The following MMS22L variants were observed in gnomAD, a reference collection of about 807,000 sequenced individuals.
MMS22L encodes protein MMS22-like.
MMS22L carries 74 observed loss-of-function variants against 159.1 expected under a neutral mutation model. The observed-to-expected ratio is 0.47, with a 90% CI of 0.39 to 0.56. The LOEUF is 0.56. Ranked by LOEUF, MMS22L falls within the 20% of genes least tolerant of loss-of-function variation. The probability of loss-of-function intolerance (pLI) is 0.00; values close to 1 mark genes in which losing one functional copy is unlikely to be tolerated. For synonymous variants in MMS22L, 517 were observed against 506.9 expected (o/e 1.02, Z -0.27); for missense variants, 1,351 against 1,422.1 (o/e 0.95, Z 0.80).
chr6:97,172,680 T>C (rs1803666835), intron 19 of MMS22L, among the ~76,000 whole-genome samples: 1 of 152,144 alleles, frequency 6.6e-6, no homozygotes, highest in South Asian at 2.1e-4. Flanking sequence ...GAGCAGAGCA[T>C]AGAAATAGAT....
At chr6:97,234,805 A>C (rs563339886) in intron 11 of MMS22L, among the ~76,000 whole-genome samples, 6 of 152,336 alleles carry the variant, frequency 3.9e-5, no homozygotes, top group African/African-American at 1.4e-4. Flanking sequence ...CTATGAATGG[A>C]AAAGCCTTTT....
At chr6:97,228,635 T>C (rs780523183) in intron 14 of MMS22L, among the ~76,000 whole-genome samples, 3 of 152,232 alleles carry the variant, frequency 2.0e-5, no homozygotes, top group Non-Finnish European at 4.4e-5. Context: ...TCATTATGCA[T>C]ATGCAAATAT....
At chr6:97,167,358 T>A (rs1015422162) in intron 20 of MMS22L, among the ~76,000 whole-genome samples, 2 of 152,134 alleles carry the variant, frequency 1.3e-5, no homozygotes, top group Non-Finnish European at 2.9e-5. Flanking sequence ...CCAAATGTTT[T>A]TGAAATCTGC....
intron 9 of MMS22L, among the ~76,000 whole-genome samples, chr6:97,255,451 T>G (rs749125516): frequency 2.0e-5 from 3 of 152,114 alleles, no homozygotes; most frequent in Admixed American, 6.5e-5. Context: ...TTTTGCTCAT[T>G]TTATCCTTTT....
chr6:97,214,685 G>T (rs73760108), intron 14 of MMS22L, among the ~76,000 whole-genome samples: 427 of 133,636 alleles, frequency 3.2e-3, no homozygotes, highest in South Asian at 4.7e-3. Context: ...TATTTTTTTT[G>T]TTTTTTTTTT....
intron 10 of MMS22L, among the ~76,000 whole-genome samples, chr6:97,251,812 G>A (rs987315063): frequency 6.6e-5 from 10 of 152,136 alleles, no homozygotes; most frequent in Admixed American, 3.3e-4. Flanking sequence ...GGCTAGGTAC[G>A]GTGGCTCACG....
At chr6:97,265,606 C>G (rs913719312) in intron 8 of MMS22L, 1 of 152,016 alleles carries the variant, frequency 6.6e-6, no homozygotes, top group African/African-American at 2.4e-5. Context: ...GCAAACCATA[C>G]ATCTGATAAG....
rs1313842289 is a variant in MMS22L, at chr6:97,282,514, G to C, written c.-37C>G. On this transcript the variant is annotated 5_prime_UTR_variant, in exon 2 of 25. Transcript: ENST00000683635. ...TGTTCTGAAACACTTGGGGTTCGTC[G>C]TATCATTAAGGGCTCCAAAGAGAAG... 7.6e-7 allele frequency: 1 copy of C among 1,324,058 alleles called. No individual in the cohort carries two copies. The highest frequency in any genetic ancestry group is 1.0e-6 in the Non-Finnish European group (1 of 988,930). 82.0% of individuals were successfully genotyped at this position (1,324,058 alleles called of 1,614,324 possible). A position where few individuals can be genotyped will look rare whatever the true frequency, so the allele number is the denominator to read the frequency against.
intron 9 of MMS22L, chr6:97,260,881 A>G (rs965832960): frequency 3.3e-5 from 5 of 151,738 alleles, no homozygotes; most frequent in African/African-American, 1.2e-4. Context: ...GGGAGAGGGT[A>G]TGAGTCCTTT....
chr6:97,246,166 GAAAAATGATAAGGTATGA>G (rs1450712873), intron 11 of MMS22L: 1 of 453,686 alleles, frequency 2.2e-6, no homozygotes, highest in African/African-American at 2.0e-5. Context: ...TCTGCAGAAA[GAAAAATGATAAGGTATGA>G]AACGAATGGT....
chr6:97,242,686 A>G (rs1377342979), intron 11 of MMS22L, among the ~76,000 whole-genome samples: 1 of 151,992 alleles, frequency 6.6e-6, no homozygotes, highest in Non-Finnish European at 1.5e-5. Context: ...AGGCCCTGTG[A>G]GATTTATGCT....
intron 14 of MMS22L, among the ~76,000 whole-genome samples, chr6:97,213,097 T>G (rs1369115853): frequency 6.6e-6 from 1 of 152,132 alleles, no homozygotes; most frequent in Non-Finnish European, 1.5e-5. Context: ...GTCTTTGATA[T>G]TTTTTTCTGT....
At chr6:97,154,990 A>G (rs1801683299) in intron 22 of MMS22L, among the ~76,000 whole-genome samples, 1 of 152,172 alleles carries the variant, frequency 6.6e-6, no homozygotes, top group Non-Finnish European at 1.5e-5. Context: ...CTATTAGTAT[A>G]GTCACTTAAG....
At chr6:97,232,747 G>A (rs1214284916) in intron 12 of MMS22L, among the ~76,000 whole-genome samples, 1 of 151,864 alleles carries the variant, frequency 6.6e-6, no homozygotes, top group African/African-American at 2.4e-5. Context: ...TTCAGAGAAG[G>A]GCATTTTTCT....
chr6:97,151,252 T>A (rs746185849), intron 23 of MMS22L, among the ~76,000 whole-genome samples: 5 of 152,204 alleles, frequency 3.3e-5, no homozygotes, highest in Non-Finnish European at 5.9e-5. Flanking sequence ...AAATACTGCA[T>A]TTTTACTGTA....
At chr6:97,233,777 T>C (rs1363541704) in intron 12 of MMS22L, 84 bp downstream of exon 12, 2 of 1,412,028 alleles carry the variant, frequency 1.4e-6, no homozygotes, top group African/African-American at 1.5e-5. Context: ...TCCATAACTA[T>C]TCATAATTAA....
upstream of MMS22L, chr6:97,283,695 A>G (rs1318117630): frequency 6.6e-6 from 1 of 152,234 alleles, no homozygotes; most frequent in Non-Finnish European, 1.5e-5. Flanking sequence ...GCACTAACCA[A>G]CTTGACCTAA....
intron 14 of MMS22L, among the ~76,000 whole-genome samples, chr6:97,215,526 T>C (rs1808914523): frequency 6.6e-6 from 1 of 152,132 alleles, no homozygotes; most frequent in African/African-American, 2.4e-5. Flanking sequence ...CCAGACTGAA[T>C]AGCAGGTCAT....
chr6:97,231,647 A>T lies in MMS22L; in HGVS notation c.1308T>A (p.Ser436Arg), dbSNP rs146097667. ...LWEYYSKNLN[S>R]SFSISWLPFK... ...AAGGAAGCCAAGAAATACTGAAGGA[A>T]CTATTCTAAAAGGGGGGAAAAAAAA... Residue 436 changes from serine (S) to arginine (R), a missense_variant, in exon 13 of 25, where the codon AGT becomes AGA. Ser to Arg is a moderately radical substitution (Grantham distance 110). Coordinates refer to ENST00000683635, the MANE Select transcript of MMS22L (RefSeq NM_001350599.2). 1.1e-5 allele frequency: 18 copies of T among 1,580,846 alleles called. No homozygotes were observed. The African/African-American group carries it at 2.4e-4, about 21-fold the overall frequency.
Sources: allele counts gnomAD v4.1 joint callset (sites outside exome capture counted in the v4.1 genomes callset), GRCh38; gene constraint gnomAD v4.1.1; transcripts MANE v1.5; gene names NCBI Gene and HGNC (gene_info 2026-07-23, HGNC 2026-07-21).